The following KIF15 variants were observed in gnomAD, a reference collection of about 807,000 sequenced individuals.
KIF15 encodes kinesin family member 15, also known as kinesin-like protein KIF15.
Under a neutral mutation model 190.6 loss-of-function variants are expected in KIF15, and 140 were observed. That is an observed-to-expected ratio of 0.73 (90% CI 0.64 to 0.84). The LOEUF is 0.84. KIF15 is among the 40% of genes least tolerant of loss of function. The pLI is 0.00. For synonymous variants in KIF15, 528 were observed against 551.3 expected (o/e 0.96, Z 0.59); for missense variants, 1,372 against 1,584.4 (o/e 0.87, Z 2.28).
At chr3:44,821,413 G>A (rs1321952708) in intron 20 of KIF15, among the ~76,000 whole-genome samples, 2 of 134,924 alleles carry the variant, frequency 1.5e-5, no homozygotes, top group Non-Finnish European at 3.3e-5. Flanking sequence ...CAGACGGGGC[G>A]GTCGGGCAGA....
At chr3:44,856,472 G>A (rs558936171), downstream of KIF15, among the ~76,000 whole-genome samples, 2 of 152,280 alleles carry the variant, frequency 1.3e-5, no homozygotes, top group South Asian at 2.1e-4. Context: ...ATGAAATGAC[G>A]ATAGAATAGA....
chr3:44,800,391 G>A lies in KIF15; in HGVS notation c.1176G>A (p.Ala392=), dbSNP rs113767782. Residue 392 remains alanine (A), a synonymous_variant, in exon 11 of 35, where the codon GCG becomes GCA. Transcript: ENST00000326047. ...TGAAGAGGCTCAAAGAACAACTGGC[G>A]GAGCTTGCTTCAGGACAGACACCAC... is the stretch of plus-strand genomic sequence containing the variant. ...AEVKRLKEQL[A]ELASGQTPPE... The A allele has an allele frequency of 2.4e-5, 39 of 1,613,986 alleles. No individual in the cohort carries two copies. The South Asian group carries it at 3.0e-4, about 12-fold the overall frequency.
rs746375701 is a variant in KIF15, at chr3:44,797,888, T to C, written c.1030T>C (p.Ser344Pro). 1 of 1,613,962 alleles carries C rather than the reference T, an allele frequency of 6.2e-7. No individual in the cohort carries two copies. Among genetic ancestry groups the C allele is most frequent in the Admixed American group, 1.7e-5 (1 of 60,012 alleles). The change falls in exon 10 of 35, where the codon TCC becomes CCC. Residue 344 changes from serine to proline, a missense_variant. Physicochemically the swap from Ser to Pro is moderately conservative, Grantham distance 74. Transcript: ENST00000326047. ...TAIIANVHPGSRCFGETLSTL... is the reference protein window; with the variant it reads ...TAIIANVHPGPRCFGETLSTL... ...CATAATTGCAAATGTTCATCCTGGA[T>C]CCAGGTGTTTTGGGGAAACCCTATC...
At chr3:44,819,810 C>G (rs1490589020) in intron 20 of KIF15, among the ~76,000 whole-genome samples, 1 of 152,182 alleles carries the variant, frequency 6.6e-6, no homozygotes, top group Non-Finnish European at 1.5e-5. Context: ...TGTTAACCTT[C>G]TGTCTCATTC....
rs754560377 is a variant in KIF15, at chr3:44,794,354, C to G, written c.777C>G (p.Ser259=). Residue 259 remains serine (S), a synonymous_variant, in exon 8 of 35, where the codon TCC becomes TCG. Transcript: ENST00000326047. ...ATGAGATTGTGAATATACGGACCTCCCTACTCAACCTGGTGGATTTAGCAG... is the reference window on the plus strand; with the variant it reads ...ATGAGATTGTGAATATACGGACCTCGCTACTCAACCTGGTGGATTTAGCAG... ...KSNEIVNIRT[S]LLNLVDLAGS... The G allele has an allele frequency of 1.2e-6, 2 of 1,613,614 alleles. No individual in the cohort carries two copies. Among genetic ancestry groups the G allele is most frequent in the South Asian group, 1.1e-5 (1 of 90,988 alleles).
chr3:44,783,103 G>A (rs1430482216), intron 5 of KIF15, among the ~76,000 whole-genome samples: 1 of 152,298 alleles, frequency 6.6e-6, no homozygotes, highest in South Asian at 2.1e-4. Context: ...CAGTGGGTTA[G>A]GCAAGAGATG....
At chr3:44,850,054 ATAGT>A (rs1209687699) in intron 32 of KIF15, among the ~76,000 whole-genome samples, 6 of 152,322 alleles carry the variant, frequency 3.9e-5, no homozygotes, top group South Asian at 2.1e-4. Context: ...TCTTGTTCAC[ATAGT>A]TAAGTAAATG....
chr3:44,806,007 C>A (rs1227432331), intron 16 of KIF15, 21 bp downstream of exon 16: 2 of 1,609,926 alleles, frequency 1.2e-6, no homozygotes, highest in South Asian at 1.1e-5. Context: ...TGAACAATAC[C>A]TCCACCTTAA....
chr3:44,867,116 G>A (rs550535384), intron 6 of KIF15, among the ~76,000 whole-genome samples: 11 of 152,254 alleles, frequency 7.2e-5, no homozygotes, highest in African/African-American at 2.6e-4. Context: ...TTGGGGAAGT[G>A]GAATAATTTG....
intron 16 of KIF15, among the ~76,000 whole-genome samples, chr3:44,808,483 C>T (rs1179633982): frequency 1.3e-5 from 2 of 152,090 alleles, no homozygotes; most frequent in Admixed American, 6.6e-5. Flanking sequence ...ATCCTTTGTC[C>T]CCACAATCCC....
chr3:44,865,391 A>G (rs987935704), intron 6 of KIF15: 3 of 615,726 alleles, frequency 4.9e-6, no homozygotes, highest in East Asian at 2.8e-5. Flanking sequence ...TCATCTGTAC[A>G]GTGCTTTGGA....
chr3:44,812,701 G>A (rs1347341060), intron 18 of KIF15, among the ~76,000 whole-genome samples: 1 of 152,160 alleles, frequency 6.6e-6, no homozygotes, highest in Non-Finnish European at 1.5e-5. Flanking sequence ...ACAGGTTAAT[G>A]GGGCCAGGCA....
intron 1 of KIF15, among the ~76,000 whole-genome samples, chr3:44,770,899 G>A (rs553176416): frequency 2.5e-4 from 38 of 152,252 alleles, no homozygotes; most frequent in African/African-American, 7.9e-4. Context: ...TGGTCCAAGC[G>A]AAAGTCAAAA....
chr3:44,860,894 T>A (rs78238620), intron 6 of KIF15, among the ~76,000 whole-genome samples: 8,363 of 152,302 alleles, frequency 0.055, 240 homozygotes, highest in Middle Eastern at 0.092. Flanking sequence ...AGAAAAATGC[T>A]CTATTAACAC....
chr3:44,797,831 C>A lies in KIF15; in HGVS notation c.976-3C>A, dbSNP rs1310786952. 3.1e-6 allele frequency: 5 copies of A among 1,611,226 alleles called. No individual in the cohort carries two copies. In the East Asian group the frequency reaches 8.9e-5, roughly 29 times the overall value. On this transcript the variant is annotated splice_polypyrimidine_tract_variant and splice_region_variant and intron_variant, in intron 9 of 34. Transcript: ENST00000326047. ...AAATATGTTCATTCCTATCATTAAACAGGATTCCCTTGGAGGTAATGCCAA... is the reference window on the plus strand; with the variant it reads ...AAATATGTTCATTCCTATCATTAAAAAGGATTCCCTTGGAGGTAATGCCAA...
chr3:44,822,048 G>A lies in KIF15; in HGVS notation c.2550-3991G>A, dbSNP rs1284955667. ...CTGAGGCAGGAGAATCAGGCAGGGA[G>A]GTTGCAGTGAGCTGAGATGTCAGCA... On this transcript the variant is annotated intron_variant, in intron 20 of 34. Transcript: ENST00000326047. 2.6e-5 allele frequency among the ~76,000 whole-genome samples: 4 copies of A among 152,340 alleles called. No homozygotes were observed. The East Asian group carries it at 5.8e-4, about 22-fold the overall frequency.
chr3:44,856,696 T>C (rs1341141095), downstream of KIF15, among the ~76,000 whole-genome samples: 1 of 152,192 alleles, frequency 6.6e-6, no homozygotes, highest in Non-Finnish European at 1.5e-5. Flanking sequence ...CGATAGGATC[T>C]GATGCCTTTT....
intron 1 of KIF15, among the ~76,000 whole-genome samples, chr3:44,772,941 A>AGTGGACCTAT (rs1385563345): frequency 6.6e-6 from 1 of 152,088 alleles, no homozygotes; most frequent in Non-Finnish European, 1.5e-5. Flanking sequence ...TGGTTTGAAC[A>AGTGGACCTAT]GTGGACCTAT....
chr3:44,868,252 G>A (rs1699341035), intron 6 of KIF15, among the ~76,000 whole-genome samples: 1 of 152,054 alleles, frequency 6.6e-6, no homozygotes. Flanking sequence ...CTAGCATAGT[G>A]TTTTCAAGGC....
Sources: gnomAD v4.1 joint callset for allele counts (sites outside exome capture counted in the v4.1 genomes callset) on GRCh38, gnomAD v4.1.1 for gene constraint, MANE v1.5 for transcripts, NCBI Gene and HGNC (gene_info 2026-07-23, HGNC 2026-07-21) for gene names.